Variants in GPHN observed in about 807,000 individuals in gnomAD.
The protein encoded by GPHN is gephyrin.
Under a neutral mutation model 95.5 loss-of-function variants are expected in GPHN, and 17 were observed. That is an observed-to-expected ratio of 0.18 (90% confidence interval 0.12 to 0.27). The LOEUF (loss-of-function observed/expected upper bound fraction) is 0.27, where lower values mean the gene tolerates loss of function less well. Ranked by LOEUF, GPHN falls within the 10% of genes least tolerant of loss-of-function variation. The pLI is 1.00. For missense variants in GPHN, 660 were observed against 978.1 expected (o/e 0.67, Z 4.34); for synonymous variants, 320 against 322.5 (o/e 0.99, Z 0.08).
intron 4 of GPHN, 88 bp from the exon 5 acceptor site, chr14:66,879,851 A>G (rs774172847): frequency 1.2e-6 from 1 of 828,556 alleles, no homozygotes; most frequent in Non-Finnish European, 2.1e-6. Flanking sequence ...AGCCTGGTTT[A>G]TAATCATTTT....
intron 11 of GPHN, among the ~76,000 whole-genome samples, chr14:67,072,411 G>A (rs891678745): frequency 6.6e-6 from 1 of 152,014 alleles, no homozygotes; most frequent in Non-Finnish European, 1.5e-5. Flanking sequence ...AAGTTTGAGT[G>A]ATTCACTTTC....
chr14:67,716,660 T>A, the GPHN span, among the ~76,000 whole-genome samples: 1 of 152,080 alleles, frequency 6.6e-6, no homozygotes, highest in Non-Finnish European at 1.5e-5. Context: ...AAGGCCAGCA[T>A]ACGACTTGAG....
At chr14:67,379,350 G>A in the GPHN span, among the ~76,000 whole-genome samples, 1 of 152,178 alleles carries the variant, frequency 6.6e-6, no homozygotes, top group Non-Finnish European at 1.5e-5. Flanking sequence ...TGAATTCACA[G>A]TAGTATCTTT....
intron 1 of GPHN, among the ~76,000 whole-genome samples, chr14:66,514,348 G>A (rs560875817): frequency 3.3e-5 from 5 of 151,982 alleles, no homozygotes; most frequent in South Asian, 2.1e-4. Context: ...AATTTAAGGA[G>A]CACTGAATCA....
At chr14:66,617,006 G>A (rs527871713) in intron 1 of GPHN, among the ~76,000 whole-genome samples, 3 of 152,126 alleles carry the variant, frequency 2.0e-5, no homozygotes, top group East Asian at 1.9e-4. Context: ...ATCTGCGCCC[G>A]GCTGAACAGG....
chr14:66,853,942 T>G (rs2062698092), intron 4 of GPHN, among the ~76,000 whole-genome samples: 1 of 152,198 alleles, frequency 6.6e-6, no homozygotes, highest in Admixed American at 6.5e-5. Flanking sequence ...TTGCCGTTAG[T>G]TTATCTGCCA....
rs79615424 is a variant in GPHN, at chr14:66,907,343, G to C, written c.390-8660G>C. Among the ~76,000 whole-genome samples the C allele has an allele frequency of 3.0e-3, 453 of 152,224 alleles. 2 individuals are homozygous for C. The highest frequency in any genetic ancestry group is 0.01 in the African/African-American group (435 of 41,544). On this transcript the variant is annotated intron_variant, in intron 5 of 22. Coordinates refer to ENST00000478722, the MANE Select transcript of GPHN (RefSeq NM_020806.5). ...GTGTGAAAAGAATACATATTATATG[G>C]TTCTAACTTTATGACATTGTAGTAA...
chr14:67,148,163 C>T (rs1044694821), intron 18 of GPHN, among the ~76,000 whole-genome samples: 1 of 152,060 alleles, frequency 6.6e-6, no homozygotes, highest in Non-Finnish European at 1.5e-5. Context: ...TGTAAATAAC[C>T]TTGGCTCAAT....
the GPHN span, chr14:67,588,542 T>C: frequency 1.3e-5 from 2 of 152,020 alleles, no homozygotes; most frequent in African/African-American, 4.8e-5. Context: ...TCCCCCTCAA[T>C]TCAGACCTTC....
At chr14:67,218,257 G>C in the GPHN span, among the ~76,000 whole-genome samples, 1 of 152,214 alleles carries the variant, frequency 6.6e-6, no homozygotes, top group African/African-American at 2.4e-5. Flanking sequence ...TTGTCTATGA[G>C]TAGCAGCCTA....
At chr14:66,945,015 G>C (rs2067659387) in intron 8 of GPHN, among the ~76,000 whole-genome samples, 1 of 152,178 alleles carries the variant, frequency 6.6e-6, no homozygotes, top group East Asian at 1.9e-4. Flanking sequence ...AGACATAGAA[G>C]TGAAAGGAAA....
At chr14:67,655,322 G>A in the GPHN span, among the ~76,000 whole-genome samples, 2 of 151,908 alleles carry the variant, frequency 1.3e-5, no homozygotes, top group African/African-American at 4.8e-5. Flanking sequence ...GCAAGACCCT[G>A]TCTCTAAAAA....
chr14:67,141,388 G>A (rs2080448412), intron 17 of GPHN, among the ~76,000 whole-genome samples: 1 of 152,146 alleles, frequency 6.6e-6, no homozygotes, highest in South Asian at 2.1e-4. Flanking sequence ...AAAATCCCAA[G>A]CATGCTATAG....
At chr14:67,307,585 T>C in the GPHN span, among the ~76,000 whole-genome samples, 1 of 152,216 alleles carries the variant, frequency 6.6e-6, no homozygotes, top group Non-Finnish European at 1.5e-5. Context: ...TTTCCCATTA[T>C]AGGTATAAAA....
chr14:67,578,598 T>G, the GPHN span: 5 of 1,611,494 alleles, frequency 3.1e-6, no homozygotes. This position sits in a 1 kb window ranked among gnomAD's most constrained non-coding sequence, Gnocchi z 5.0. Flanking sequence ...CTCTGGTATG[T>G]CAAGCAGCAG....
At chr14:66,787,616 G>A (rs1257372026) in intron 3 of GPHN, among the ~76,000 whole-genome samples, 1 of 151,956 alleles carries the variant, frequency 6.6e-6, no homozygotes, top group East Asian at 1.9e-4. Flanking sequence ...GTATAGTATT[G>A]GCAGAGAAAT....
At chr14:66,978,142 G>T (rs946990522) in intron 9 of GPHN, among the ~76,000 whole-genome samples, 1 of 152,162 alleles carries the variant, frequency 6.6e-6, no homozygotes, top group Non-Finnish European at 1.5e-5. Context: ...ACAATCATCT[G>T]AGCCATCAGC....
At chr14:67,252,690 C>T in the GPHN span, among the ~76,000 whole-genome samples, 1 of 152,056 alleles carries the variant, frequency 6.6e-6, no homozygotes, top group Admixed American at 6.5e-5. Flanking sequence ...AGGAAAAGAC[C>T]CACACATTTG....
chr14:66,656,261 A>G (rs1272557213), intron 1 of GPHN, among the ~76,000 whole-genome samples: 2 of 152,162 alleles, frequency 1.3e-5, no homozygotes, highest in East Asian at 3.8e-4. Context: ...TACAAATCCA[A>G]TGATCTTAAT....
Sources: gnomAD v4.1 joint callset for allele counts (sites outside exome capture counted in the v4.1 genomes callset) on GRCh38, gnomAD v4.1.1 for gene constraint, Gnocchi (gnomAD v3.1) non-coding constraint, MANE v1.5 for transcripts, NCBI Gene and HGNC (gene_info 2026-07-23, HGNC 2026-07-21) for gene names.